PARG: variants seen among roughly 807,000 people sequenced by gnomAD.
PARG encodes mitochondrial poly(ADP-ribose) glycohydrolase.
A neutral mutation model predicts 113.0 loss-of-function variants in PARG; 35 were observed. The ratio of observed to expected loss-of-function variants is 0.31; its 90% confidence interval spans 0.24 to 0.41. PARG has a LOEUF of 0.41. Among genes scored for constraint, PARG ranks in the 10% least tolerant of loss-of-function variants. PARG has a pLI of 1.00. For synonymous variants in PARG, 330 were observed against 409.9 expected (o/e 0.81, Z 2.36); for missense variants, 797 against 1,169.4 (o/e 0.68, Z 4.64).
intron 16 of PARG, among the ~76,000 whole-genome samples, chr10:49,828,092 C>CAAAA (rs71026274): frequency 0.032 from 1,632 of 50,408 alleles, 576 homozygotes; most frequent in Middle Eastern, 0.048. Context: ...AAAGCTTAAA[C>CAAAA]AAAAAAAAAA....
chr10:49,819,460 A>T lies in PARG; in HGVS notation c.2811T>A (p.Asn937Lys), dbSNP rs1843959528. 2 of 1,551,456 alleles carry T rather than the reference A, an allele frequency of 1.3e-6. No homozygotes were observed. The highest frequency in any genetic ancestry group is 1.7e-6 in the Non-Finnish European group (2 of 1,146,736). Reference sequence around the variant, plus strand: ...GGGTGGAACAGTTTCTGCATTCTTCATTGTAGTATCGTAGCAACAGCTTAT... The same window carrying T: ...GGGTGGAACAGTTTCTGCATTCTTCTTTGTAGTATCGTAGCAACAGCTTAT... ...DVYKLLLRYYNEECRNCSTPG... is the reference protein window; with the variant it reads ...DVYKLLLRYYKEECRNCSTPG... Residue 937 changes from asparagine to lysine, a missense_variant, in exon 18 of 18, where the codon AAT becomes AAA. By Grantham distance (94) the Asn-to-Lys change is moderately conservative. Coordinates refer to ENST00000616448, the MANE Select transcript of PARG (RefSeq NM_003631.5).
intron 13 of PARG, among the ~76,000 whole-genome samples, chr10:49,853,064 C>T (rs1347687698): frequency 2.1e-5 from 3 of 144,132 alleles, no homozygotes; most frequent in Admixed American, 7.0e-5. Flanking sequence ...GAGACAGTCT[C>T]GCTCTGTTGC....
intron 8 of PARG, among the ~76,000 whole-genome samples, chr10:49,880,797 A>C (rs1277309013): frequency 2.6e-5 from 4 of 152,180 alleles, no homozygotes; most frequent in Admixed American, 2.6e-4. Context: ...TGATGAAACA[A>C]ATCTTTTTAT....
intron 16 of PARG, among the ~76,000 whole-genome samples, chr10:49,821,233 T>C (rs11101238): frequency 0.43 from 65,809 of 152,042 alleles, 16,712 homozygotes; most frequent in East Asian, 0.6. Flanking sequence ...GAAGTATGTT[T>C]CCGAAAATTT....
rs1365688987 is a variant in PARG, at chr10:49,864,978, CA to C, written c.2129+342del. 3.6e-3 allele frequency among the ~76,000 whole-genome samples: 423 copies of C among 118,192 alleles called. 2 individuals are homozygous for C. Among genetic ancestry groups the C allele is most frequent in the South Asian group, 0.033 (122 of 3,700 alleles). 77.5% of individuals were successfully genotyped at this position (118,192 alleles called of 152,430 possible). ...AAAGCCATAAAGTTCAAACACTAAC[CA>C]AAAAAAAAAAAAGGGTAAGGAGAAA... On this transcript the variant is annotated intron_variant, in intron 11 of 17. Transcript: ENST00000616448.
intron 7 of PARG, among the ~76,000 whole-genome samples, chr10:49,890,113 T>A (rs1379706209): frequency 2.0e-5 from 3 of 152,206 alleles, no homozygotes; most frequent in African/African-American, 7.2e-5. Context: ...TTACTTATTA[T>A]GATGATAATG....
intron 16 of PARG, among the ~76,000 whole-genome samples, chr10:49,820,986 A>AT (rs1554828521): frequency 6.6e-6 from 1 of 152,148 alleles, no homozygotes; most frequent in Non-Finnish European, 1.5e-5. Context: ...GGCCTTTTGT[A>AT]TAGGCACATT....
intron 1 of PARG, among the ~76,000 whole-genome samples, chr10:49,935,659 G>C (rs1838706505): frequency 6.6e-6 from 1 of 152,130 alleles, no homozygotes; most frequent in African/African-American, 2.4e-5. Flanking sequence ...CTACTTCAGT[G>C]AACAGGAGAA....
At chr10:49,918,971 C>T (rs1287726026) in intron 6 of PARG, among the ~76,000 whole-genome samples, 60 of 151,884 alleles carry the variant, frequency 4.0e-4, no homozygotes, top group African/African-American at 1.4e-3. Flanking sequence ...TGGAGTTTCG[C>T]TCTTTGTTGC....
intron 16 of PARG, among the ~76,000 whole-genome samples, 181 bp from the exon 17 acceptor site, chr10:49,820,474 C>A (rs1844016028): frequency 6.6e-6 from 1 of 152,008 alleles, no homozygotes; most frequent in Non-Finnish European, 1.5e-5. Flanking sequence ...GTAATCCCAG[C>A]ACTCTGGGAG....
intron 7 of PARG, among the ~76,000 whole-genome samples, chr10:49,910,704 T>G (rs1307567052): frequency 6.6e-6 from 1 of 152,208 alleles, no homozygotes; most frequent in African/African-American, 2.4e-5. Context: ...ATCCATTTTC[T>G]TAAGAAGTTT....
intron 15 of PARG, among the ~76,000 whole-genome samples, chr10:49,837,395 T>TAC (rs1296478809): frequency 2.9e-5 from 4 of 136,652 alleles, no homozygotes; most frequent in African/African-American, 1.1e-4. Flanking sequence ...GGCATGCATA[T>TAC]ATACACACAC....
intron 3 of PARG, 39 bp from the exon 4 acceptor site, chr10:49,932,322 A>G (rs1838532428): frequency 8.0e-7 from 1 of 1,248,106 alleles, no homozygotes; most frequent in East Asian, 2.3e-5. Context: ...CAAATTATTT[A>G]CTGTTTTAAT....
chr10:49,825,910 A>G (rs1353389450), intron 16 of PARG, among the ~76,000 whole-genome samples: 1 of 152,232 alleles, frequency 6.6e-6, no homozygotes, highest in African/African-American at 2.4e-5. Context: ...CAGGTTGAGT[A>G]TCCCTCATCT....
At chr10:49,819,771 C>G (rs1487007700) in intron 17 of PARG, among the ~76,000 whole-genome samples, 1 of 152,194 alleles carries the variant, frequency 6.6e-6, no homozygotes, top group African/African-American at 2.4e-5. Context: ...CATGGCAGCC[C>G]TCGTTATACA....
intron 1 of PARG, among the ~76,000 whole-genome samples, chr10:49,938,878 G>A: frequency 6.6e-6 from 1 of 151,990 alleles, no homozygotes; most frequent in Admixed American, 6.6e-5. Context: ...GTTCCTAAAG[G>A]AATCCCAAAA....
Position 49,841,452 on chromosome 10 carries a change from C to G in PARG, c.2541+498G>C, listed in dbSNP as rs1272396177. Among the ~76,000 whole-genome samples the G allele has an allele frequency of 2.0e-5, 3 of 151,844 alleles. No homozygotes were observed. The East Asian group carries it at 5.8e-4, about 29-fold the overall frequency. On this transcript the variant is annotated intron_variant, in intron 15 of 17. Transcript: ENST00000616448. ...ACAGGTATGGTTCATTTTTATATTTCTGTAATAAAAAAGAAAAAAATGAAT... is the reference window on the plus strand; with the variant it reads ...ACAGGTATGGTTCATTTTTATATTTGTGTAATAAAAAAGAAAAAAATGAAT...
intron 4 of PARG, among the ~76,000 whole-genome samples, chr10:49,931,117 T>C (rs1838455351): frequency 6.6e-6 from 1 of 151,184 alleles, no homozygotes; most frequent in Admixed American, 6.6e-5. Context: ...TATAGTGTTA[T>C]GATATTCACA....
At chr10:49,915,402 C>T (rs567040622) in intron 7 of PARG, among the ~76,000 whole-genome samples, 326 of 152,198 alleles carry the variant, frequency 2.1e-3, no homozygotes, top group African/African-American at 7.5e-3. Flanking sequence ...TTATCCACTA[C>T]TGGCAGCATA....
Sources: gnomAD v4.1 joint callset for allele counts (sites outside exome capture counted in the v4.1 genomes callset) on GRCh38, gnomAD v4.1.1 for gene constraint, MANE v1.5 for transcripts, NCBI Gene and HGNC (gene_info 2026-07-23, HGNC 2026-07-21) for gene names.